SMIM31: variants seen among roughly 807,000 people sequenced by gnomAD.
SMIM31 encodes the protein human epithelial cell program regulator.
intron 1 of SMIM31, among the ~76,000 whole-genome samples, chr4:164,756,580 AAT>A (rs757785660): frequency 4.2e-4 from 45 of 106,282 alleles, no homozygotes; most frequent in Middle Eastern, 4.7e-3. Flanking sequence ...TCAAAAAAAA[AAT>A]AATAATAATA....
chr4:164,755,896 G>A (rs989282028), intron 1 of SMIM31, among the ~76,000 whole-genome samples: 2 of 152,076 alleles, frequency 1.3e-5, no homozygotes, highest in African/African-American at 4.8e-5. Flanking sequence ...ATTGTATCAT[G>A]AACATCCAAA....
chr4:164,769,488 G>A (rs1003789444), intron 1 of SMIM31, among the ~76,000 whole-genome samples: 3 of 148,652 alleles, frequency 2.0e-5, no homozygotes, highest in Non-Finnish European at 4.4e-5. Context: ...GCAAACTATC[G>A]CAAGGACAAA....
chr4:164,777,051 T>A (rs1279519090), intron 2 of SMIM31, among the ~76,000 whole-genome samples: 6 of 152,218 alleles, frequency 3.9e-5, no homozygotes, highest in African/African-American at 1.4e-4. Flanking sequence ...TATGGGCTAT[T>A]CATAAACCTC....
intron 1 of SMIM31, 44 bp downstream of exon 1, chr4:164,754,455 C>A (rs1308913271): frequency 1.0e-5 from 1 of 97,590 alleles, no homozygotes; most frequent in Admixed American, 1.2e-4. Context: ...TCAAAACTCT[C>A]TCTCTTTTTT....
chr4:164,791,721 T>A (rs1733103288), intron 2 of SMIM31, among the ~76,000 whole-genome samples: 1 of 152,218 alleles, frequency 6.6e-6, no homozygotes, highest in African/African-American at 2.4e-5. Flanking sequence ...TTCAATAGAT[T>A]TAAGGTACAA....
chr4:164,799,521 T>C (rs1258062383), intron 2 of SMIM31, among the ~76,000 whole-genome samples: 1 of 152,040 alleles, frequency 6.6e-6, no homozygotes, highest in Non-Finnish European at 1.5e-5. Flanking sequence ...CCAGCTCAAG[T>C]AGTGAGGCAG....
At chr4:164,768,488 C>T (rs933361548) in intron 1 of SMIM31, among the ~76,000 whole-genome samples, 1 of 149,794 alleles carries the variant, frequency 6.7e-6, no homozygotes, top group African/African-American at 2.4e-5. Flanking sequence ...GGGAAGGAGG[C>T]AGGAACTCAC....
At chr4:164,754,587 A>G (rs989232148) in intron 1 of SMIM31, among the ~76,000 whole-genome samples, 176 bp downstream of exon 1, 2 of 146,640 alleles carry the variant, frequency 1.4e-5, no homozygotes, top group African/African-American at 2.5e-5. Flanking sequence ...GCTGTTAAAA[A>G]AAATGGCTAA....
intron 1 of SMIM31, among the ~76,000 whole-genome samples, chr4:164,758,622 C>T (rs1289540176): frequency 8.5e-5 from 9 of 105,388 alleles, no homozygotes; most frequent in South Asian, 3.1e-4. Flanking sequence ...TGTAGTTTTC[C>T]TTTTTTTGTT....
chr4:164,800,405 G>T (rs541510533), intron 2 of SMIM31, among the ~76,000 whole-genome samples: 1 of 151,824 alleles, frequency 6.6e-6, no homozygotes, highest in East Asian at 1.9e-4. Flanking sequence ...ATGGGATTTC[G>T]CCCTGTTGGC....
rs904498563 is a variant in SMIM31 at position 164,803,178 on chromosome 4, A to G, written c.*1984A>G. The G allele has an allele frequency of 6.6e-6, 1 of 152,216 alleles. No individual in the cohort carries two copies. The highest frequency in any genetic ancestry group is 1.5e-5 in the Non-Finnish European group (1 of 68,046). 9.4% of individuals were successfully genotyped at this position (152,216 alleles called of 1,614,324 possible). A position where few individuals can be genotyped will look rare whatever the true frequency, so the allele number is the denominator to read the frequency against. On this transcript the variant is annotated 3_prime_UTR_variant, in exon 3 of 3. Coordinates refer to ENST00000507311, the MANE Select transcript of SMIM31 (RefSeq NM_001352885.1). Reference sequence around the variant, plus strand: ...TTTCAGAAAAGCAGAAAAATCAACAACATGGTTTCAAATACTTGGATGAGG... The same window carrying G: ...TTTCAGAAAAGCAGAAAAATCAACAGCATGGTTTCAAATACTTGGATGAGG...
rs1733314817 is a variant in SMIM31, at chr4:164,803,539, A to C, written c.*2345A>C. ...GCTGAGCGTGGTGGCTCACGTCTGA[A>C]ATCCCAGCACTTTGTGAAGCCGAGG... is the stretch of plus-strand genomic sequence containing the variant. On this transcript the variant is annotated 3_prime_UTR_variant, in exon 3 of 3. Coordinates refer to ENST00000507311, the MANE Select transcript of SMIM31 (RefSeq NM_001352885.1). 1.3e-5 allele frequency: 2 copies of C among 152,230 alleles called. No homozygotes were observed. The highest frequency in any genetic ancestry group is 4.1e-4 in the South Asian group (2 of 4,826). The allele number at this position is 152,230 out of a possible 1,614,324, so 9.4% of individuals were successfully genotyped here. A position where few individuals can be genotyped will look rare whatever the true frequency, so the allele number is the denominator to read the frequency against.
At chr4:164,760,256 TA>T (rs1732628066) in intron 1 of SMIM31, among the ~76,000 whole-genome samples, 1 of 152,164 alleles carries the variant, frequency 6.6e-6, no homozygotes, top group Admixed American at 6.5e-5. Context: ...GAGTGTTGAC[TA>T]GATAGGCAAT....
intron 2 of SMIM31, among the ~76,000 whole-genome samples, chr4:164,782,073 C>A (rs1050528164): frequency 6.6e-6 from 1 of 151,976 alleles, no homozygotes; most frequent in Non-Finnish European, 1.5e-5. Flanking sequence ...GGTGGATCAC[C>A]TGAGGTCGGG....
intron 1 of SMIM31, among the ~76,000 whole-genome samples, chr4:164,768,427 C>CAAAAAAAAAAAAAAAA (rs758951225): frequency 1.9e-4 from 18 of 94,674 alleles, no homozygotes; most frequent in Non-Finnish European, 3.3e-4. Context: ...CAGTACATCT[C>CAAAAAAAAAAAAAAAA]AAAAAAAAAA....
intron 2 of SMIM31, among the ~76,000 whole-genome samples, chr4:164,780,149 C>T (rs1452563902): frequency 2.0e-5 from 3 of 152,126 alleles, no homozygotes; most frequent in African/African-American, 2.4e-5. Context: ...GAATAGTGGC[C>T]GGGCGCGGTG....
At chr4:164,787,440 C>T (rs982615933) in intron 2 of SMIM31, 1 of 151,660 alleles carries the variant, frequency 6.6e-6, no homozygotes. Context: ...AGAGGACAAA[C>T]ACAGTGTTGC....
At chr4:164,786,905 A>G (rs1733032372) in intron 2 of SMIM31, among the ~76,000 whole-genome samples, 1 of 152,224 alleles carries the variant, frequency 6.6e-6, no homozygotes, top group Non-Finnish European at 1.5e-5. Flanking sequence ...TTGAGCTTAG[A>G]TAAGCACACA....
At chr4:164,773,982 T>C (rs1000520566) in intron 2 of SMIM31, among the ~76,000 whole-genome samples, 14 of 151,876 alleles carry the variant, frequency 9.2e-5, no homozygotes, top group East Asian at 1.9e-4. Context: ...CTGGATAACA[T>C]GGTGAAACCC....
Sources: gnomAD v4.1 joint callset for allele counts (sites outside exome capture counted in the v4.1 genomes callset) on GRCh38, gnomAD v4.1.1 for gene constraint, MANE v1.5 for transcripts, NCBI Gene and HGNC (gene_info 2026-07-23, HGNC 2026-07-21) for gene names.